The following MRPL21 variants were observed in gnomAD, a reference collection of about 807,000 sequenced individuals.
The protein encoded by MRPL21 is large ribosomal subunit protein bL21m.
A neutral mutation model predicts 27.3 loss-of-function variants in MRPL21; 20 were observed. The ratio of observed to expected loss-of-function variants is 0.73; its 90% CI spans 0.52 to 1.06. The LOEUF (loss-of-function observed/expected upper bound fraction) is 1.06, where lower values mean the gene tolerates loss of function less well. Ranked by LOEUF, MRPL21 falls within the 50% of genes least tolerant of loss-of-function variation. The probability of loss-of-function intolerance (pLI) is 0.00; values close to 1 mark genes in which losing one functional copy is unlikely to be tolerated. For missense variants in MRPL21, 249 were observed against 251.4 expected (o/e 0.99, Z 0.06); for synonymous variants, 98 against 101.5 (o/e 0.97, Z 0.21).
At chr11:68,902,467 G>A (rs1160435626) in intron 1 of MRPL21, among the ~76,000 whole-genome samples, 5 of 152,190 alleles carry the variant, frequency 3.3e-5, no homozygotes, top group African/African-American at 1.2e-4. Flanking sequence ...GCCCAACTCT[G>A]TGATTATTAT....
chr11:68,893,521 A>T lies in MRPL21; in HGVS notation c.397-66T>A. 3 of 1,596,034 alleles carry T rather than the reference A, an allele frequency of 1.9e-6. No individual in the cohort carries two copies. In the Admixed American group the frequency reaches 5.0e-5, roughly 27 times the overall value. Reference sequence around the variant, plus strand: ...CGATGAGTAAGAACAGTTGCTAATAACAGGTAGTGATGTCAACACCACACA... The same window carrying T: ...CGATGAGTAAGAACAGTTGCTAATATCAGGTAGTGATGTCAACACCACACA... On this transcript the variant is annotated intron_variant, in intron 4 of 6. Coordinates refer to ENST00000362034, the MANE Select transcript of MRPL21 (RefSeq NM_181514.2).
Position 68,892,886 on chromosome 11 carries a change from T to C in MRPL21, c.553+4A>G, listed in dbSNP as rs750911026. ...AGGGCCCAGCGGTACTTTCTCTAAC[T>C]TACTTCTTTTCTTCTTGAAGTTTTT... On this transcript the variant is annotated splice_donor_region_variant and intron_variant, in intron 6 of 6. Transcript: ENST00000362034. 69 of 1,610,518 alleles carry C rather than the reference T, an allele frequency of 4.3e-5. No homozygotes were observed. The highest frequency in any genetic ancestry group is 5.7e-5 in the Non-Finnish European group (67 of 1,177,792).
intron 1 of MRPL21, among the ~76,000 whole-genome samples, chr11:68,903,490 C>T (rs887801663): frequency 3.9e-5 from 6 of 152,214 alleles, no homozygotes; most frequent in Admixed American, 3.9e-4. Context: ...CTCTTCTCCC[C>T]CATAACATAG....
intron 6 of MRPL21, chr11:68,891,956 G>A: frequency 1.4e-6 from 1 of 701,000 alleles, no homozygotes; most frequent in Non-Finnish European, 2.1e-6. Flanking sequence ...CCTCAGTGCA[G>A]ACCTGCTAGG....
rs374986517 is a variant in MRPL21, at chr11:68,899,031, G to A, written c.147-1019C>T. On this transcript the variant is annotated intron_variant, in intron 2 of 6. Transcript: ENST00000362034. ...TCGAACTCCTGGCCTCAAGTGATCC[G>A]CCCACCTCGGCCTCCCAAAATTCTG... 2.2e-4 allele frequency among the ~76,000 whole-genome samples: 34 copies of A among 152,102 alleles called. No individual in the cohort carries two copies. The Middle Eastern group carries it at 0.01, about 46-fold the overall frequency.
intron 2 of MRPL21, among the ~76,000 whole-genome samples, chr11:68,898,844 G>A (rs371510331): frequency 1.1e-3 from 163 of 152,268 alleles, no homozygotes; most frequent in African/African-American, 3.6e-3. Context: ...CTAGAGTGCG[G>A]TGGCATGATC....
intron 1 of MRPL21, among the ~76,000 whole-genome samples, chr11:68,901,843 T>A (rs965185528): frequency 1.3e-5 from 2 of 152,168 alleles, no homozygotes; most frequent in African/African-American, 4.8e-5. Flanking sequence ...AGGCTCCTCA[T>A]TTCTTCCCAT....
intron 2 of MRPL21, among the ~76,000 whole-genome samples, chr11:68,900,022 C>A (rs1164033970): frequency 6.6e-6 from 1 of 152,244 alleles, no homozygotes; most frequent in East Asian, 1.9e-4. Flanking sequence ...TATCCCTGCA[C>A]TGCTCCTGTG....
intron 3 of MRPL21, among the ~76,000 whole-genome samples, chr11:68,897,235 T>TCA (rs1857817529): frequency 6.6e-6 from 1 of 152,046 alleles, no homozygotes. Flanking sequence ...CTGACCCAGG[T>TCA]CACAGTCCCC....
Position 68,891,337 on chromosome 11 carries a change from C to G in MRPL21, c.612G>C (p.Leu204Phe). Residue 204 changes from leucine (L) to phenylalanine (F), a missense_variant, in exon 7 of 7, where the codon TTG becomes TTC. Physicochemically the swap from Leu to Phe is conservative, Grantham distance 22. Coordinates refer to ENST00000362034, the MANE Select transcript of MRPL21 (RefSeq NM_181514.2). ...RINSIEIAPC[L>F]L ...GTAAGTATTAACTCGGTAATCACAA[C>G]AAACACGGAGCAATCTCAATGCTGT... is the stretch of plus-strand genomic sequence containing the variant. 1 of 1,614,042 alleles carries G rather than the reference C, an allele frequency of 6.2e-7. No homozygotes were observed. Among genetic ancestry groups the G allele is most frequent in the East Asian group, 2.2e-5 (1 of 44,888 alleles).
chr11:68,892,599 G>C (rs1331043041), intron 6 of MRPL21: 1 of 1,304,456 alleles, frequency 7.7e-7, no homozygotes, highest in African/African-American at 2.1e-5. Flanking sequence ...GCGAGGTGGG[G>C]TCACGCGCGG....
intron 2 of MRPL21, among the ~76,000 whole-genome samples, chr11:68,899,416 G>A (rs547427804): frequency 3.3e-5 from 5 of 152,302 alleles, no homozygotes; most frequent in South Asian, 4.1e-4. Flanking sequence ...GTTGGCTGGC[G>A]CGCAGGAGGG....
chr11:68,892,819 A>G (rs564894712), intron 6 of MRPL21, 71 bp downstream of exon 6: 1 of 1,571,032 alleles, frequency 6.4e-7, no homozygotes, highest in Admixed American at 1.9e-5. Context: ...CGTGCCCCAC[A>G]CCCTCCGTCC....
rs758307319 is a variant in MRPL21 at position 68,903,712 on chromosome 11, C to G, written c.88+11G>C. ...CTGCGTCCTCCCTTCCTCCCATATC[C>G]CAGGTCTCACCTGCTCCGGGCCCCG... On this transcript the variant is annotated intron_variant, in intron 1 of 6. Coordinates refer to ENST00000362034, the MANE Select transcript of MRPL21 (RefSeq NM_181514.2). The G allele has an allele frequency of 1.2e-6, 2 of 1,613,186 alleles. No homozygotes were observed. Among genetic ancestry groups the G allele is most frequent in the South Asian group, 2.2e-5 (2 of 91,084 alleles).
At position 68,893,470 on chromosome 11, in the gene MRPL21, A is replaced by G; in HGVS notation, c.397-15T>C. ...ACCAGCAGGACCTGAAAAATTCAAC[A>G]GGTGTGTTTCATCAGTGGCTCATTA... On this transcript the variant is annotated splice_polypyrimidine_tract_variant and intron_variant, in intron 4 of 6. Transcript: ENST00000362034. The G allele has an allele frequency of 1.9e-6, 3 of 1,614,236 alleles. No individual in the cohort carries two copies. The highest frequency in any genetic ancestry group is 2.5e-6 in the Non-Finnish European group (3 of 1,180,040).
chr11:68,893,981 G>A (rs1300474732), intron 4 of MRPL21, among the ~76,000 whole-genome samples: 1 of 152,076 alleles, frequency 6.6e-6, no homozygotes, highest in Non-Finnish European at 1.5e-5. Context: ...GGCTGAGATT[G>A]CACCACTGCA....
Position 68,892,618 on chromosome 11 carries a change from G to A in MRPL21, c.553+272C>T. The A allele has an allele frequency of 1.4e-6, 2 of 1,393,416 alleles. 1 individual carries two copies. Among genetic ancestry groups the A allele is most frequent in the East Asian group, 5.4e-5 (2 of 37,046 alleles). 86.3% of individuals were successfully genotyped at this position (1,393,416 alleles called of 1,614,324 possible). Reference sequence around the variant, plus strand: ...GGTGGGGTCACGCGCGGAGGGTGGAGGAGAAGGGGAGCGAGGTGGGGTCAC... The same window carrying A: ...GGTGGGGTCACGCGCGGAGGGTGGAAGAGAAGGGGAGCGAGGTGGGGTCAC... On this transcript the variant is annotated intron_variant, in intron 6 of 6. Coordinates refer to ENST00000362034, the MANE Select transcript of MRPL21 (RefSeq NM_181514.2).
chr11:68,902,921 C>T lies in MRPL21; in HGVS notation c.88+802G>A, dbSNP rs72917817. 9.3e-3 allele frequency among the ~76,000 whole-genome samples: 1,416 copies of T among 152,146 alleles called. 4 individuals carry two copies. The highest frequency in any genetic ancestry group is 0.015 in the Admixed American group (228 of 15,276). On this transcript the variant is annotated intron_variant, in intron 1 of 6. Coordinates refer to ENST00000362034, the MANE Select transcript of MRPL21 (RefSeq NM_181514.2). ...AGATGTCCCCTTTTCAGGTTGGCTT[C>T]TTTTACTTAGTAACATGTATGTAAG... is the stretch of plus-strand genomic sequence containing the variant.
chr11:68,897,683 G>C (rs1372707821), intron 3 of MRPL21: 2 of 552,664 alleles, frequency 3.6e-6, no homozygotes, highest in Non-Finnish European at 6.5e-6. Flanking sequence ...TGGAGCAGGG[G>C]CCCCCTGCCC....
Sources: gnomAD v4.1 joint callset for allele counts (sites outside exome capture counted in the v4.1 genomes callset) on GRCh38, gnomAD v4.1.1 for gene constraint, MANE v1.5 for transcripts, NCBI Gene and HGNC (gene_info 2026-07-23, HGNC 2026-07-21) for gene names.